G2E3: variants seen among roughly 807,000 people sequenced by gnomAD.
The protein encoded by G2E3 is G2/M phase-specific E3 ubiquitin-protein ligase.
Under a neutral mutation model 92.8 loss-of-function variants are expected in G2E3, and 35 were observed. The ratio of observed to expected loss-of-function variants is 0.38; its 90% CI spans 0.29 to 0.50. The LOEUF is 0.50. G2E3 is among the 20% of genes least tolerant of loss of function. The pLI, the probability that G2E3 is intolerant of heterozygous loss-of-function variation, is 0.94. For synonymous variants in G2E3, 242 were observed against 272.4 expected (o/e 0.89, Z 1.10); for missense variants, 554 against 823.8 (o/e 0.67, Z 4.01).
At chr14:30,588,937 G>A (rs1880861178) in intron 3 of G2E3, among the ~76,000 whole-genome samples, 2 of 152,088 alleles carry the variant, frequency 1.3e-5, no homozygotes, top group African/African-American at 4.8e-5. Context: ...TGTAAATAAT[G>A]CCTTAATGAT....
chr14:30,565,650 CTTTTTTTTTTTTTTT>C (rs537643569), intron 1 of G2E3, among the ~76,000 whole-genome samples: 1 of 62,254 alleles, frequency 1.6e-5, no homozygotes, highest in Non-Finnish European at 2.8e-5. Context: ...AACTTCATTC[CTTTTTTTTTTTTTTT>C]TTTTTTTTTT....
chr14:30,589,870 C>T (rs940638714), intron 4 of G2E3, among the ~76,000 whole-genome samples: 3 of 152,018 alleles, frequency 2.0e-5, no homozygotes, highest in African/African-American at 7.2e-5. Context: ...TATTCTTATA[C>T]CTCAGTTTCT....
rs1001672821 is a variant in G2E3 at position 30,619,545 on chromosome 14, A to T, written c.*3011A>T. On this transcript the variant is annotated 3_prime_UTR_variant, in exon 15 of 15. Coordinates refer to ENST00000206595, the MANE Select transcript of G2E3 (RefSeq NM_017769.5). ...AATACAAAGTTTCATGCTTCAAGTA[A>T]TGCAATACAAAACATAACCCATTTA... The T allele has an allele frequency of 6.6e-6, 1 of 152,198 alleles. No homozygotes were observed. The highest frequency in any genetic ancestry group is 2.4e-5 in the African/African-American group (1 of 41,474). 9.4% of individuals were successfully genotyped at this position (152,198 alleles called of 1,614,324 possible). A position where few individuals can be genotyped will look rare whatever the true frequency, so the allele number is the denominator to read the frequency against.
chr14:30,576,123 A>G (rs572260013), intron 1 of G2E3, among the ~76,000 whole-genome samples: 3 of 152,360 alleles, frequency 2.0e-5, no homozygotes, highest in East Asian at 3.9e-4. Flanking sequence ...AAACTATACT[A>G]CAAGGCTCCA....
intron 4 of G2E3, chr14:30,590,715 G>A (rs229251): frequency 8.8e-6 from 4 of 455,780 alleles, no homozygotes; most frequent in East Asian, 7.0e-5. Context: ...AGGAAGAACC[G>A]TGGGAGAAAG....
chr14:30,588,294 G>A (rs1488684193), intron 3 of G2E3, among the ~76,000 whole-genome samples: 1 of 151,648 alleles, frequency 6.6e-6, no homozygotes, highest in East Asian at 1.9e-4. Flanking sequence ...AAAATAAAAA[G>A]TATTATTTTA....
In G2E3 at chr14:30,619,246, C is replaced by T. The variant is rs1252769868; in HGVS notation, c.*2712C>T. The stretch of plus-strand genomic sequence containing the variant: ...GATTGATTACCAGCATGAGAATTCA[C>T]CTTGGTTTCTATTTTATGCATTTGT... On this transcript the variant is annotated 3_prime_UTR_variant, in exon 15 of 15. Coordinates refer to ENST00000206595, the MANE Select transcript of G2E3 (RefSeq NM_017769.5). The T allele has an allele frequency of 6.6e-6, 1 of 151,926 alleles. No individual in the cohort carries two copies. Among genetic ancestry groups the T allele is most frequent in the Non-Finnish European group, 1.5e-5 (1 of 67,898 alleles). 9.4% of individuals were successfully genotyped at this position (151,926 alleles called of 1,614,324 possible). A position where few individuals can be genotyped will look rare whatever the true frequency, so the allele number is the denominator to read the frequency against.
intron 14 of G2E3, among the ~76,000 whole-genome samples, chr14:30,615,781 C>T (rs535079008): frequency 6.6e-6 from 1 of 152,150 alleles, no homozygotes; most frequent in South Asian, 2.1e-4. Flanking sequence ...AGGTGAAAGG[C>T]ATTCTTTCTA....
intron 5 of G2E3, among the ~76,000 whole-genome samples, chr14:30,592,737 C>A (rs1881082978): frequency 6.6e-6 from 1 of 152,104 alleles, no homozygotes; most frequent in Admixed American, 6.5e-5. Flanking sequence ...AAAATCTCCA[C>A]CTTTACATAA....
intron 7 of G2E3, chr14:30,598,275 A>T (rs1410301316): frequency 2.5e-6 from 1 of 406,002 alleles, no homozygotes; most frequent in African/African-American, 2.0e-5. Context: ...AATCCCAGCT[A>T]CTTGGGAGGC....
At chr14:30,563,771 A>G (rs1879268250) in intron 1 of G2E3, among the ~76,000 whole-genome samples, 1 of 148,548 alleles carries the variant, frequency 6.7e-6, no homozygotes, top group Admixed American at 6.7e-5. Flanking sequence ...CCCAGGCTGA[A>G]TGCAATGGTG....
rs954440256 is a variant in G2E3 at position 30,570,590 on chromosome 14, C to CT, written c.-4-10483dup. On this transcript the variant is annotated intron_variant, in intron 1 of 14. Coordinates refer to ENST00000206595, the MANE Select transcript of G2E3 (RefSeq NM_017769.5). Reference sequence around the variant, plus strand: ...TAACCTGTCTTCAAGTTCGCTGATTCTTTCTCCTGCCTGCTCAAACGTGCT... The same window carrying CT: ...TAACCTGTCTTCAAGTTCGCTGATTCTTTTCTCCTGCCTGCTCAAACGTGCT... Among the ~76,000 whole-genome samples, 43 of 152,172 alleles carry CT rather than the reference C, an allele frequency of 2.8e-4. 1 individual carries two copies. Among genetic ancestry groups the CT allele is most frequent in the African/African-American group, 9.4e-4 (39 of 41,536 alleles).
rs764829501 is a variant in G2E3, at chr14:30,597,542, C to G, written c.635+16C>G. 8.5e-7 allele frequency: 1 copy of G among 1,171,648 alleles called. No homozygotes were observed. Among genetic ancestry groups the G allele is most frequent in the Non-Finnish European group, 1.3e-6 (1 of 781,434 alleles). The allele number at this position is 1,171,648 out of a possible 1,614,324, so 72.6% of individuals were successfully genotyped here. ...TTCCTGAAAAGTGAGTAACATTTAGCCTTATGATAAAAAAAAGATATTTTA... is the reference window on the plus strand; with the variant it reads ...TTCCTGAAAAGTGAGTAACATTTAGGCTTATGATAAAAAAAAGATATTTTA... On this transcript the variant is annotated intron_variant, in intron 7 of 14. Transcript: ENST00000206595.
intron 2 of G2E3, among the ~76,000 whole-genome samples, chr14:30,583,950 C>T (rs1880569760): frequency 6.6e-6 from 1 of 152,134 alleles, no homozygotes; most frequent in South Asian, 2.1e-4. Context: ...AAACCATCAC[C>T]ACTATCTAGT....
chr14:30,579,507 A>C lies in G2E3; in HGVS notation c.-4-1569A>C, dbSNP rs552175563. Among the ~76,000 whole-genome samples the C allele has an allele frequency of 1.8e-3, 275 of 152,256 alleles. 1 individual carries two copies. The highest frequency in any genetic ancestry group is 6.3e-3 in the African/African-American group (262 of 41,532). On this transcript the variant is annotated intron_variant, in intron 1 of 14. Coordinates refer to ENST00000206595, the MANE Select transcript of G2E3 (RefSeq NM_017769.5). Reference sequence around the variant, plus strand: ...AGTATGAAATATAAATTCTAATTGTAAGGAAGCATTGTATAAGTTTAATTT... The same window carrying C: ...AGTATGAAATATAAATTCTAATTGTCAGGAAGCATTGTATAAGTTTAATTT...
rs1881403530 is a variant in G2E3 at position 30,598,567 on chromosome 14, C to T, written c.720C>T (p.Cys240=). The T allele has an allele frequency of 6.2e-7, 1 of 1,612,494 alleles. No individual in the cohort carries two copies. The highest frequency in any genetic ancestry group is 2.2e-5 in the East Asian group (1 of 44,868). Residue 240 remains cysteine (C), a synonymous_variant, in exon 8 of 15, where the codon TGC becomes TGT. Coordinates refer to ENST00000206595, the MANE Select transcript of G2E3 (RefSeq NM_017769.5). The part of the protein sequence containing the change: ...YERCDVRRCR[C]KEGRDYNAPD... ...GTTGTGATGTTCGAAGATGTCGTTGCAAAGAAGGGCGAGACTATAATGCAC... is the reference window on the plus strand; with the variant it reads ...GTTGTGATGTTCGAAGATGTCGTTGTAAAGAAGGGCGAGACTATAATGCAC...
chr14:30,571,629 C>T (rs550714700), intron 1 of G2E3, among the ~76,000 whole-genome samples: 10 of 151,956 alleles, frequency 6.6e-5, no homozygotes, highest in South Asian at 2.1e-4. Flanking sequence ...CCCCACCCTC[C>T]GCCCAAAGCA....
intron 1 of G2E3, among the ~76,000 whole-genome samples, chr14:30,575,115 T>C (rs985045204): frequency 4.6e-5 from 7 of 152,208 alleles, no homozygotes; most frequent in African/African-American, 1.7e-4. Context: ...ATAATAGCCA[T>C]TCTGACTGGT....
At chr14:30,571,165 T>C (rs1285806230) in intron 1 of G2E3, among the ~76,000 whole-genome samples, 2 of 144,084 alleles carry the variant, frequency 1.4e-5, no homozygotes, top group Admixed American at 7.1e-5. Context: ...GTGGGTGCTG[T>C]AGTGGGTTTG....
Sources: allele counts gnomAD v4.1 joint callset (sites outside exome capture counted in the v4.1 genomes callset), GRCh38; gene constraint gnomAD v4.1.1; transcripts MANE v1.5; gene names NCBI Gene and HGNC (gene_info 2026-07-23, HGNC 2026-07-21).